The following PPP1R21 variants were observed in gnomAD, a reference collection of about 807,000 sequenced individuals.
PPP1R21 encodes the protein protein phosphatase 1 regulatory subunit 21.
In PPP1R21, 85 loss-of-function variants were observed where a neutral mutation model predicts 112.8. That is an observed-to-expected ratio of 0.75 (90% CI 0.63 to 0.90). The LOEUF is 0.90. Ranked by LOEUF, PPP1R21 falls within the 40% of genes least tolerant of loss-of-function variation. The pLI is 0.00. For missense variants in PPP1R21, 1,199 were observed against 901.5 expected, an observed-to-expected ratio of 1.33 and a Z score of -4.23; for synonymous variants, 381 against 322.3, an observed-to-expected ratio of 1.18 and a Z score of -1.95.
intron 3 of PPP1R21, among the ~76,000 whole-genome samples, chr2:48,455,871 G>T (rs974407385): frequency 2.0e-5 from 3 of 151,934 alleles, no homozygotes; most frequent in Non-Finnish European, 2.9e-5. Context: ...AAAATTAGCT[G>T]GGCGTGTTGG....
chr2:48,447,411 A>G (rs957605906), intron 1 of PPP1R21, among the ~76,000 whole-genome samples: 1 of 152,204 alleles, frequency 6.6e-6, no homozygotes, highest in African/African-American at 2.4e-5. Context: ...ACTGAATGGA[A>G]CAGAAGAGCT....
intron 15 of PPP1R21, among the ~76,000 whole-genome samples, chr2:48,494,132 G>T (rs1235165974): frequency 6.7e-6 from 1 of 149,208 alleles, no homozygotes; most frequent in African/African-American, 2.5e-5. Flanking sequence ...TGCTTGGGAG[G>T]CTGGGCTGAG....
At chr2:48,477,943 G>A (rs1336556129) in intron 12 of PPP1R21, among the ~76,000 whole-genome samples, 1 of 152,162 alleles carries the variant, frequency 6.6e-6, no homozygotes, top group African/African-American at 2.4e-5. Flanking sequence ...GGTCATACTG[G>A]ATTAAAGAGA....
intron 17 of PPP1R21, among the ~76,000 whole-genome samples, chr2:48,502,717 G>T (rs528698581): frequency 7.8e-4 from 92 of 118,334 alleles, no homozygotes; most frequent in Non-Finnish European, 1.2e-3. Flanking sequence ...GTCTCGCTCT[G>T]TGGCCCAGGC....
intron 16 of PPP1R21, 48 bp downstream of exon 16, chr2:48,495,819 A>C (rs763505688): frequency 9.3e-7 from 1 of 1,079,512 alleles, no homozygotes; most frequent in Non-Finnish European, 1.4e-6. Flanking sequence ...CAGAAATGTT[A>C]AATCCCCCAT....
In PPP1R21 at chr2:48,460,100, A is replaced by G; in HGVS notation, c.546A>G (p.Lys182=). Residue 182 remains lysine, a synonymous_variant, in exon 6 of 22, where the codon AAA becomes AAG. Transcript: ENST00000294952. ...LQNDKAKLEV[K]SQTLEKEAKE... ...CTTTTTCTTCTGAAATTCAGGTGAA[A>G]TCTCAGACTCTAGAAAAGGAAGCCA... 1.2e-6 allele frequency: 2 copies of G among 1,614,130 alleles called. No homozygotes were observed. Among genetic ancestry groups the G allele is most frequent in the Non-Finnish European group, 1.7e-6 (2 of 1,180,016 alleles).
chr2:48,490,179 A>G (rs1288870421), intron 14 of PPP1R21, among the ~76,000 whole-genome samples: 1 of 138,770 alleles, frequency 7.2e-6, no homozygotes, highest in Non-Finnish European at 1.5e-5. Context: ...AGATTGTGCC[A>G]CTCCACTCCA....
intron 6 of PPP1R21, 113 bp downstream of exon 6, chr2:48,460,266 G>T: frequency 9.5e-7 from 1 of 1,052,834 alleles, no homozygotes; most frequent in South Asian, 1.4e-5. Flanking sequence ...GGAGAAAATG[G>T]GAGTAATCTA....
chr2:48,491,053 C>T lies in PPP1R21; in HGVS notation c.1482C>T (p.Phe494=), dbSNP rs769758453. 43 of 1,613,954 alleles carry T rather than the reference C, an allele frequency of 2.7e-5. No individual in the cohort carries two copies. The highest frequency in any genetic ancestry group is 1.6e-4 in the Middle Eastern group (1 of 6,084). The change falls in exon 15 of 22, where the codon TTC becomes TTT. Residue 494 remains phenylalanine, a synonymous_variant. Transcript: ENST00000294952. The stretch of plus-strand genomic sequence containing the variant: ...TCTTCAGCAACAATTTGGACTACTT[C>T]ATTGCTTCACTGAGCTATGGACCTA... ...ASFFSNNLDY[F]IASLSYGPKA...
At chr2:48,441,112 C>T (rs886326383) in intron 1 of PPP1R21, 102 bp downstream of exon 1, 6 of 793,484 alleles carry the variant, frequency 7.6e-6, no homozygotes, top group South Asian at 1.5e-5. Context: ...GAGGGGCACG[C>T]GAGCGCGCCC....
intron 19 of PPP1R21, 99 bp downstream of exon 19, chr2:48,507,484 C>T (rs1670436034): frequency 6.6e-7 from 1 of 1,510,002 alleles, no homozygotes; most frequent in Non-Finnish European, 8.7e-7. Context: ...AGAGAGAAGT[C>T]AGTGTCCCAA....
intron 12 of PPP1R21, among the ~76,000 whole-genome samples, chr2:48,476,620 T>G (rs1323407461): frequency 4.6e-5 from 7 of 152,172 alleles, no homozygotes; most frequent in African/African-American, 1.7e-4. Flanking sequence ...TATTACTTGG[T>G]TTTTTGATTT....
intron 2 of PPP1R21, 105 bp downstream of exon 2, chr2:48,451,181 T>A (rs1484835501): frequency 7.1e-6 from 6 of 850,068 alleles, no homozygotes; most frequent in Admixed American, 7.0e-5. Flanking sequence ...CTGACACTGA[T>A]TCACTAGGGA....
At chr2:48,501,787 C>T (rs1358984538) in intron 17 of PPP1R21, 1 of 150,316 alleles carries the variant, frequency 6.7e-6, no homozygotes, top group African/African-American at 2.5e-5. Flanking sequence ...CCAGCCTGGA[C>T]AACAGATTGA....
At chr2:48,479,860 G>C (rs1668928379) in intron 12 of PPP1R21, 64 bp from the exon 13 acceptor site, 2 of 961,510 alleles carry the variant, frequency 2.1e-6, no homozygotes, top group East Asian at 4.8e-5. Flanking sequence ...CCCAAAAGTA[G>C]AGGGATACAA....
chr2:48,450,922 A>G, intron 1 of PPP1R21, 86 bp from the exon 2 acceptor site: 3 of 1,085,774 alleles, frequency 2.8e-6, no homozygotes. Flanking sequence ...TACTCAGTGT[A>G]ATGATGCCTG....
At chr2:48,484,278 C>T (rs886807736) in intron 13 of PPP1R21, among the ~76,000 whole-genome samples, 2 of 152,114 alleles carry the variant, frequency 1.3e-5, no homozygotes, top group Non-Finnish European at 2.9e-5. Flanking sequence ...TTTCTTGGCT[C>T]CTTCAGCATT....
chr2:48,480,075 T>C, intron 13 of PPP1R21, 59 bp downstream of exon 13: 1 of 1,125,080 alleles, frequency 8.9e-7, no homozygotes. Context: ...TCGATCTGCC[T>C]GAATAAGATT....
chr2:48,457,335 G>A (rs972559470), intron 3 of PPP1R21, among the ~76,000 whole-genome samples: 1 of 152,126 alleles, frequency 6.6e-6, no homozygotes, highest in Non-Finnish European at 1.5e-5. Context: ...TTTTCAAAGG[G>A]CTTTTAAATC....
Sources: gnomAD v4.1 joint callset for allele counts (sites outside exome capture counted in the v4.1 genomes callset) on GRCh38, gnomAD v4.1.1 for gene constraint, MANE v1.5 for transcripts, NCBI Gene and HGNC (gene_info 2026-07-23, HGNC 2026-07-21) for gene names.